VCL: variants seen among roughly 807,000 people sequenced by gnomAD.
VCL encodes the protein vinculin.
A neutral mutation model predicts 125.7 loss-of-function variants in VCL; 47 were observed. The ratio of observed to expected loss-of-function variants is 0.37; its 90% CI spans 0.30 to 0.48. The LOEUF (loss-of-function observed/expected upper bound fraction) is 0.48, where lower values mean the gene tolerates loss of function less well. VCL is among the 20% of genes least tolerant of loss of function. The probability of loss-of-function intolerance (pLI) is 0.99; values close to 1 mark genes in which losing one functional copy is unlikely to be tolerated. For missense variants in VCL, 1,069 were observed against 1,455.5 expected (o/e 0.73, Z 4.32); for synonymous variants, 458 against 514.6 (o/e 0.89, Z 1.49).
At chr10:74,109,908 T>C (rs1373111746) in intron 18 of VCL, among the ~76,000 whole-genome samples, 1 of 152,204 alleles carries the variant, frequency 6.6e-6, no homozygotes, top group Non-Finnish European at 1.5e-5. Flanking sequence ...TTTTAATGTT[T>C]TTATGACCCT....
chr10:74,119,798 T>C lies in VCL; in HGVS notation c.*1629T>C, dbSNP rs985135874. On this transcript the variant is annotated 3_prime_UTR_variant, in exon 22 of 22. Coordinates refer to ENST00000211998, the MANE Select transcript of VCL (RefSeq NM_014000.3). Reference sequence around the variant, plus strand: ...AAGGCCCTCAGCATATTTGTATAGTTGCTTGCCTGATATAAATGCAATATT... The same window carrying C: ...AAGGCCCTCAGCATATTTGTATAGTCGCTTGCCTGATATAAATGCAATATT... 2 of 152,624 alleles carry C rather than the reference T, an allele frequency of 1.3e-5. No individual in the cohort carries two copies. Among genetic ancestry groups the C allele is most frequent in the African/African-American group, 4.8e-5 (2 of 41,440 alleles). The allele number at this position is 152,624 out of a possible 1,614,324, so 9.5% of individuals were successfully genotyped here.
At chr10:74,099,883 C>T (rs1196809962) in intron 13 of VCL, among the ~76,000 whole-genome samples, 2 of 152,080 alleles carry the variant, frequency 1.3e-5, no homozygotes, top group East Asian at 1.9e-4. Context: ...AAGAGGCTGG[C>T]GTGGGGAAGA....
chr10:74,038,387 T>C (rs534937994), intron 1 of VCL, among the ~76,000 whole-genome samples: 5 of 152,310 alleles, frequency 3.3e-5, no homozygotes, highest in African/African-American at 1.2e-4. Flanking sequence ...ATTTCCATCA[T>C]AAAAGAAAAT....
intron 1 of VCL, among the ~76,000 whole-genome samples, chr10:74,033,076 C>T (rs544210560): frequency 5.3e-4 from 81 of 152,294 alleles, no homozygotes; most frequent in African/African-American, 1.9e-3. Flanking sequence ...AAACCTTGTA[C>T]ACTAATGTTT....
intron 1 of VCL, chr10:74,005,038 T>C (rs1840296488): frequency 6.6e-6 from 1 of 152,060 alleles, no homozygotes; most frequent in Admixed American, 6.6e-5. Context: ...TTAGAGTAGA[T>C]ACAGATCAGC....
In VCL at chr10:74,095,652, C is replaced by T. The variant is rs757918037; in HGVS notation, c.1544-4C>T. ...TAAGTTTCATTGTTTTTCTCTTGGT[C>T]CAGGTCAGGCTGCCATCCGGGGGCT... is the stretch of plus-strand genomic sequence containing the variant. On this transcript the variant is annotated splice_region_variant and splice_polypyrimidine_tract_variant and intron_variant, in intron 11 of 21. Coordinates refer to ENST00000211998, the MANE Select transcript of VCL (RefSeq NM_014000.3). The T allele has an allele frequency of 1.9e-6, 3 of 1,613,538 alleles. No individual in the cohort carries two copies. The African/African-American group carries it at 4.0e-5, about 22-fold the overall frequency.
chr10:74,083,779 C>G (rs1263783679), intron 8 of VCL, among the ~76,000 whole-genome samples: 1 of 151,990 alleles, frequency 6.6e-6, no homozygotes, highest in African/African-American at 2.4e-5. Flanking sequence ...GCAACCTCCA[C>G]CTCCCAGGTT....
At position 74,092,713 on chromosome 10, in the gene VCL, G is replaced by C. The variant is rs147406693; in HGVS notation, c.1353-1558G>C. 5.3e-5 allele frequency among the ~76,000 whole-genome samples: 8 copies of C among 152,248 alleles called. No individual in the cohort carries two copies. The East Asian group carries it at 1.5e-3, about 29-fold the overall frequency. ...GACTATGCAGTGTTTTTGAAATATG[G>C]ACCCAGGATTATCTGCCTAAGAATC... On this transcript the variant is annotated intron_variant, in intron 10 of 21. Coordinates refer to ENST00000211998, the MANE Select transcript of VCL (RefSeq NM_014000.3).
At chr10:73,999,118 T>C (rs1840175645) in intron 1 of VCL, among the ~76,000 whole-genome samples, 1 of 152,216 alleles carries the variant, frequency 6.6e-6, no homozygotes, top group African/African-American at 2.4e-5. Context: ...CATTCCCTCC[T>C]GTGGACATTT....
rs955347133 is a variant in VCL, at chr10:74,093,815, AAAC to A, written c.1353-447_1353-445del. 6.6e-5 allele frequency among the ~76,000 whole-genome samples: 10 copies of A among 152,184 alleles called. No homozygotes were observed. In the East Asian group the frequency reaches 1.7e-3, roughly 26 times the overall value. ...CAAAACCCCTCTCAAAACAAAAAAC[AAAC>A]AACAACAAAAAATTGCTTGTAACAG... is the stretch of plus-strand genomic sequence containing the variant. On this transcript the variant is annotated intron_variant, in intron 10 of 21. Transcript: ENST00000211998.
intron 5 of VCL, among the ~76,000 whole-genome samples, chr10:74,074,388 T>C (rs1839543384): frequency 6.6e-6 from 1 of 152,196 alleles, no homozygotes; most frequent in Admixed American, 6.5e-5. Context: ...AGTTTTCATA[T>C]TGTCCCATTA....
chr10:74,093,252 G>C (rs370268262), intron 10 of VCL, among the ~76,000 whole-genome samples: 35 of 152,142 alleles, frequency 2.3e-4, no homozygotes, highest in Admixed American at 1.2e-3. Context: ...AGCCGAGATC[G>C]TGCCACTGCA....
At chr10:74,040,287 T>C (rs1362668047) in intron 1 of VCL, among the ~76,000 whole-genome samples, 2 of 152,230 alleles carry the variant, frequency 1.3e-5, no homozygotes, top group African/African-American at 2.4e-5. Flanking sequence ...ACTCCATCTC[T>C]ACTACCTAAA....
intron 2 of VCL, among the ~76,000 whole-genome samples, chr10:74,064,046 G>A (rs1015712630): frequency 6.6e-6 from 1 of 152,118 alleles, no homozygotes; most frequent in Admixed American, 6.5e-5. Flanking sequence ...CAAGTATTGG[G>A]TGCCTGGTAT....
At chr10:74,029,414 G>C (rs1387034670) in intron 1 of VCL, among the ~76,000 whole-genome samples, 1 of 152,060 alleles carries the variant, frequency 6.6e-6, no homozygotes, top group Non-Finnish European at 1.5e-5. Flanking sequence ...CGCCTGGCCA[G>C]AAGAATCTTG....
intron 15 of VCL, among the ~76,000 whole-genome samples, chr10:74,104,550 G>A (rs1379087047): frequency 1.3e-5 from 2 of 152,066 alleles, no homozygotes; most frequent in Non-Finnish European, 2.9e-5. Flanking sequence ...ATGGCAGCCC[G>A]AGATGAAAGT....
chr10:74,111,586 CTT>C (rs1840218884), intron 18 of VCL, among the ~76,000 whole-genome samples: 1 of 152,192 alleles, frequency 6.6e-6, no homozygotes, highest in African/African-American at 2.4e-5. Flanking sequence ...GAGAATCACT[CTT>C]GTCAAGTTTG....
chr10:74,116,699 T>A (rs10824074), intron 21 of VCL, among the ~76,000 whole-genome samples: 24,859 of 125,574 alleles, frequency 0.2, 2,410 homozygotes, highest in African/African-American at 0.32. Context: ...AAAAAAAAAA[T>A]AATAATAAAA....
At chr10:74,000,259 CTT>C (rs34197555) in intron 1 of VCL, among the ~76,000 whole-genome samples, 42 of 114,806 alleles carry the variant, frequency 3.7e-4, no homozygotes, top group African/African-American at 5.4e-4. Context: ...TTGTATTTTG[CTT>C]TTTTTTTTTT....
Sources: allele counts gnomAD v4.1 joint callset (sites outside exome capture counted in the v4.1 genomes callset), GRCh38; gene constraint gnomAD v4.1.1; transcripts MANE v1.5; gene names NCBI Gene and HGNC (gene_info 2026-07-23, HGNC 2026-07-21).